ST6GALNAC3: variants seen among roughly 807,000 people sequenced by gnomAD.
ST6GALNAC3 encodes the protein ST6 N-acetylgalactosaminide alpha-2,6-sialyltransferase 3, also known as alpha-N-acetylgalactosaminide alpha-2,6-sialyltransferase 3.
ST6GALNAC3 carries 25 observed loss-of-function variants against 32.7 expected under a neutral mutation model. The observed-to-expected ratio is 0.76, with a 90% confidence interval of 0.56 to 1.07. The LOEUF is 1.07. ST6GALNAC3 is among the 50% of genes least tolerant of loss of function. The probability of loss-of-function intolerance (pLI) is 0.00; values close to 1 mark genes in which losing one functional copy is unlikely to be tolerated. For synonymous variants in ST6GALNAC3, 129 were observed against 133.1 expected, an observed-to-expected ratio of 0.97 and a Z score of 0.21; for missense variants, 355 against 382.4, an observed-to-expected ratio of 0.93 and a Z score of 0.60.
chr1:76,216,065 A>G (rs561376621), intron 1 of ST6GALNAC3, among the ~76,000 whole-genome samples: 32 of 152,232 alleles, frequency 2.1e-4, no homozygotes, highest in South Asian at 4.1e-4. Flanking sequence ...TGCCTTGGCC[A>G]CACTGGTCTC....
chr1:76,499,676 A>C (rs1661065582), intron 3 of ST6GALNAC3, among the ~76,000 whole-genome samples: 1 of 152,106 alleles, frequency 6.6e-6, no homozygotes, highest in Non-Finnish European at 1.5e-5. Context: ...ACTACTTATA[A>C]TTCAAATGTG....
intron 2 of ST6GALNAC3, among the ~76,000 whole-genome samples, chr1:76,376,639 T>C (rs146567672): frequency 6.6e-6 from 1 of 152,254 alleles, no homozygotes; most frequent in East Asian, 1.9e-4. Flanking sequence ...GTATCAATTC[T>C]TATGAAGGGC....
rs1444293949 is a variant in ST6GALNAC3 at position 76,508,862 on chromosome 1, T to C, written c.623+96445T>C. Among the ~76,000 whole-genome samples, 4 of 152,190 alleles carry C rather than the reference T, an allele frequency of 2.6e-5. No individual in the cohort carries two copies. The South Asian group carries it at 6.2e-4, about 24-fold the overall frequency. ...TCTGAGAAACTGGGCATATTTCTCATTGAAGAACCAATAAGAAAATTTTTT... is the reference window on the plus strand; with the variant it reads ...TCTGAGAAACTGGGCATATTTCTCACTGAAGAACCAATAAGAAAATTTTTT... On this transcript the variant is annotated intron_variant, in intron 3 of 4. Coordinates refer to ENST00000328299, the MANE Select transcript of ST6GALNAC3 (RefSeq NM_152996.4).
chr1:76,390,909 T>G (rs768203676), intron 2 of ST6GALNAC3, among the ~76,000 whole-genome samples: 2 of 122,094 alleles, frequency 1.6e-5, no homozygotes, highest in Non-Finnish European at 3.9e-5. Context: ...CAAATCATTT[T>G]ACCTCCAATT....
chr1:76,430,860 G>A lies in ST6GALNAC3; in HGVS notation c.623+18443G>A, dbSNP rs1419805220. ...AAGCACTTGAAGATAGTACTAAAAA[G>A]CCTTCTTGCCACTTGGTTCTGCCTG... On this transcript the variant is annotated intron_variant, in intron 3 of 4. Coordinates refer to ENST00000328299, the MANE Select transcript of ST6GALNAC3 (RefSeq NM_152996.4). Among the ~76,000 whole-genome samples, 3 of 152,096 alleles carry A rather than the reference G, an allele frequency of 2.0e-5. 1 individual carries two copies. The highest frequency in any genetic ancestry group is 4.4e-5 in the Non-Finnish European group (3 of 68,026).
At chr1:76,318,259 C>G (rs1646904394) in intron 2 of ST6GALNAC3, among the ~76,000 whole-genome samples, 1 of 152,078 alleles carries the variant, frequency 6.6e-6, no homozygotes, top group African/African-American at 2.4e-5. Flanking sequence ...ATATTCCTCC[C>G]ACTGTAATAA....
intron 1 of ST6GALNAC3, among the ~76,000 whole-genome samples, chr1:76,299,600 GT>G (rs1660609251): frequency 6.6e-6 from 1 of 151,976 alleles, no homozygotes; most frequent in Non-Finnish European, 1.5e-5. Context: ...CAGAGCAGAA[GT>G]TTTAGTTAAA....
chr1:76,438,961 T>C (rs948253201), intron 3 of ST6GALNAC3, among the ~76,000 whole-genome samples: 21 of 152,226 alleles, frequency 1.4e-4, no homozygotes, highest in Non-Finnish European at 5.9e-5. Flanking sequence ...TCTTTTTGTG[T>C]CTGCAACACT....
chr1:76,291,718 T>C (rs939180477), intron 1 of ST6GALNAC3, among the ~76,000 whole-genome samples: 1 of 151,744 alleles, frequency 6.6e-6, no homozygotes, highest in Non-Finnish European at 1.5e-5. Flanking sequence ...CTATGTTCAA[T>C]TTGTTATTTA....
chr1:76,459,042 A>T lies in ST6GALNAC3; in HGVS notation c.623+46625A>T, dbSNP rs374999099. 7.2e-5 allele frequency among the ~76,000 whole-genome samples: 11 copies of T among 152,260 alleles called. No individual in the cohort carries two copies. In the East Asian group the frequency reaches 1.9e-3, roughly 27 times the overall value. On this transcript the variant is annotated intron_variant, in intron 3 of 4. Coordinates refer to ENST00000328299, the MANE Select transcript of ST6GALNAC3 (RefSeq NM_152996.4). ...GGAGCCAAACTGACAATTCAGGAAG[A>T]TATGTGTATTCCTTTTGGGATTTAT...
chr1:76,330,612 A>T (rs1409637937), intron 2 of ST6GALNAC3, among the ~76,000 whole-genome samples: 1 of 152,244 alleles, frequency 6.6e-6, no homozygotes, highest in Admixed American at 6.5e-5. Context: ...GTTTATATGC[A>T]GCAGCAGTAA....
At chr1:76,628,531 A>G in intron 4 of ST6GALNAC3, 89 bp from the exon 5 acceptor site, 2 of 1,226,432 alleles carry the variant, frequency 1.6e-6, no homozygotes, top group Non-Finnish European at 2.2e-6. Flanking sequence ...GAGTAAATGC[A>G]TTTACTGGGC....
At chr1:76,111,074 G>A (rs1435060484) in intron 1 of ST6GALNAC3, among the ~76,000 whole-genome samples, 1 of 152,190 alleles carries the variant, frequency 6.6e-6, no homozygotes, top group Non-Finnish European at 1.5e-5. Context: ...AAGGCTTAGA[G>A]ATATTAGGAA....
At chr1:76,234,448 C>T (rs1005125356) in intron 1 of ST6GALNAC3, among the ~76,000 whole-genome samples, 6 of 152,220 alleles carry the variant, frequency 3.9e-5, no homozygotes, top group African/African-American at 1.4e-4. Flanking sequence ...TTCAGGATCT[C>T]TCACATGCCA....
chr1:76,094,420 G>C (rs1387760278), intron 1 of ST6GALNAC3, among the ~76,000 whole-genome samples: 1 of 152,162 alleles, frequency 6.6e-6, no homozygotes, highest in Non-Finnish European at 1.5e-5. Flanking sequence ...CAAGTGCTAG[G>C]CATGATTTAG....
At chr1:76,278,425 G>A (rs911930636) in intron 1 of ST6GALNAC3, among the ~76,000 whole-genome samples, 3 of 151,836 alleles carry the variant, frequency 2.0e-5, no homozygotes, top group South Asian at 4.2e-4. Flanking sequence ...GTTTCACCGT[G>A]TTAGACAGGA....
chr1:76,177,481 CT>C, intron 1 of ST6GALNAC3, among the ~76,000 whole-genome samples: 1 of 151,992 alleles, frequency 6.6e-6, no homozygotes. Context: ...ATCTTAGATC[CT>C]TTAGATCTTT....
intron 3 of ST6GALNAC3, among the ~76,000 whole-genome samples, chr1:76,457,737 G>A (rs185446554): frequency 0.027 from 4,162 of 152,202 alleles, 89 homozygotes; most frequent in Admixed American, 0.067. Context: ...ATTAATTCAA[G>A]CTGGATTAAA....
At chr1:76,298,952 C>T (rs1660569866) in intron 1 of ST6GALNAC3, among the ~76,000 whole-genome samples, 1 of 151,876 alleles carries the variant, frequency 6.6e-6, no homozygotes, top group South Asian at 2.1e-4. Context: ...ATAAAAGCTG[C>T]CCTGCGTTGG....
Sources: gnomAD v4.1 joint callset for allele counts (sites outside exome capture counted in the v4.1 genomes callset) on GRCh38, gnomAD v4.1.1 for gene constraint, MANE v1.5 for transcripts, NCBI Gene and HGNC (gene_info 2026-07-23, HGNC 2026-07-21) for gene names.